The following AHI1 variants were observed in gnomAD, a reference collection of about 807,000 sequenced individuals.
AHI1 encodes the protein jouberin.
In AHI1, 123 loss-of-function variants were observed where a neutral mutation model predicts 149.3. The observed-to-expected ratio is 0.82, with a 90% CI of 0.71 to 0.96. The LOEUF (loss-of-function observed/expected upper bound fraction) is 0.96, where lower values mean the gene tolerates loss of function less well. AHI1 is among the 40% of genes least tolerant of loss of function. The pLI is 0.00. For missense variants in AHI1, 1,439 were observed against 1,422.7 expected, an observed-to-expected ratio of 1.01 and a Z score of -0.18; for synonymous variants, 475 against 459.8, an observed-to-expected ratio of 1.03 and a Z score of -0.42.
At chr6:135,358,310 C>T in intron 23 of AHI1, 123 bp from the exon 24 acceptor site, 1 of 857,138 alleles carries the variant, frequency 1.2e-6, no homozygotes. Flanking sequence ...AGAAAAAAGT[C>T]TCACTTGGAA....
chr6:135,490,798 C>A, intron 4 of AHI1, 51 bp from the exon 5 acceptor site: 1 of 1,597,944 alleles, frequency 6.3e-7, no homozygotes, highest in Non-Finnish European at 8.5e-7. Flanking sequence ...TCATAACACA[C>A]AACCTACACT....
chr6:135,325,307 G>A (rs1339090248), intron 24 of AHI1, among the ~76,000 whole-genome samples: 28 of 152,206 alleles, frequency 1.8e-4, no homozygotes, highest in Admixed American at 1.7e-3. Context: ...GATTACAGGC[G>A]TGAGCCACTG....
intron 25 of AHI1, among the ~76,000 whole-genome samples, chr6:135,321,894 C>T (rs1009592777): frequency 5.3e-5 from 8 of 152,082 alleles, no homozygotes; most frequent in Admixed American, 1.3e-4. Flanking sequence ...CTCTGCCTCC[C>T]GGGTTCACGC....
intron 15 of AHI1, among the ~76,000 whole-genome samples, chr6:135,437,568 A>G (rs1785594943): frequency 3.3e-5 from 5 of 152,268 alleles, no homozygotes; most frequent in Non-Finnish European, 5.9e-5. Flanking sequence ...GGTTGGCAAG[A>G]TCAGTAGAAG....
Position 135,285,004 on chromosome 6 carries a change from G to T in AHI1, c.*641C>A, listed in dbSNP as rs1781532475. On this transcript the variant is annotated 3_prime_UTR_variant, in exon 29 of 29. Transcript: ENST00000265602. ...GCAATTCTCCTGCCTCAGTAGATGG[G>T]ATTACAGGTGCCTGCCATGAGACCC... The T allele has an allele frequency of 6.5e-6, 1 of 153,306 alleles. No homozygotes were observed. The highest frequency in any genetic ancestry group is 2.0e-4 in the South Asian group (1 of 4,888). 9.5% of individuals were successfully genotyped at this position (153,306 alleles called of 1,614,324 possible).
intron 24 of AHI1, among the ~76,000 whole-genome samples, chr6:135,324,414 G>A (rs538139847): frequency 3.4e-4 from 52 of 152,010 alleles, no homozygotes; most frequent in African/African-American, 1.2e-3. Context: ...CTGATACACT[G>A]TATAAAGTAG....
chr6:135,317,533 G>A (rs1786149781), intron 26 of AHI1, among the ~76,000 whole-genome samples: 1 of 150,726 alleles, frequency 6.6e-6, no homozygotes, highest in African/African-American at 2.4e-5. Flanking sequence ...ATATTTAAGA[G>A]GCTTTCTTTG....
intron 17 of AHI1, 66 bp from the exon 18 acceptor site, chr6:135,430,066 C>A (rs1444753969): frequency 1.3e-6 from 1 of 798,148 alleles, no homozygotes; most frequent in Non-Finnish European, 2.0e-6. Flanking sequence ...TTTGGGGGTA[C>A]AAAATTAATC....
At chr6:135,291,659 G>C (rs1381393107) in intron 27 of AHI1, among the ~76,000 whole-genome samples, 1 of 152,164 alleles carries the variant, frequency 6.6e-6, no homozygotes, top group East Asian at 1.9e-4. Context: ...ACCCTGAATA[G>C]ACTAATGAAG....
At chr6:135,405,598 G>A (rs1008788510) in intron 21 of AHI1, among the ~76,000 whole-genome samples, 1 of 151,948 alleles carries the variant, frequency 6.6e-6, no homozygotes, top group Non-Finnish European at 1.5e-5. Context: ...GGTGGCTCAC[G>A]CCTTGTAATC....
At chr6:135,392,967 T>TAAC (rs1432122431) in intron 23 of AHI1, among the ~76,000 whole-genome samples, 18 of 152,188 alleles carry the variant, frequency 1.2e-4, no homozygotes, top group African/African-American at 4.3e-4. Flanking sequence ...ATTTTTCTGT[T>TAAC]CAGTGATATC....
intron 20 of AHI1, among the ~76,000 whole-genome samples, chr6:135,421,915 C>CCTA (rs1267662115): frequency 6.6e-6 from 1 of 152,008 alleles, no homozygotes; most frequent in East Asian, 1.9e-4. Context: ...TAAAATTCTG[C>CCTA]CCTACTATTA....
At chr6:135,418,239 AAGG>A (rs1413506935) in intron 20 of AHI1, among the ~76,000 whole-genome samples, 2 of 152,082 alleles carry the variant, frequency 1.3e-5, no homozygotes, top group Non-Finnish European at 2.9e-5. Flanking sequence ...CGACCTTCTG[AAGG>A]AGAATAAATT....
chr6:135,376,881 C>CAAAAAAAAAAAAAAAAAAAA (rs1167083326), intron 23 of AHI1, among the ~76,000 whole-genome samples: 2 of 29,440 alleles, frequency 6.8e-5, no homozygotes, highest in African/African-American at 3.2e-4. Context: ...GACTCCATCT[C>CAAAAAAAAAAAAAAAAAAAA]AAAAAAAAAA....
intron 21 of AHI1, 73 bp downstream of exon 21, chr6:135,411,275 A>G: frequency 2.9e-6 from 4 of 1,357,318 alleles, no homozygotes; most frequent in Non-Finnish European, 4.1e-6. Context: ...CATTAAATGA[A>G]TATTTATTGG....
At chr6:135,495,137 G>A (rs957072281) in intron 3 of AHI1, among the ~76,000 whole-genome samples, 2 of 151,932 alleles carry the variant, frequency 1.3e-5, no homozygotes, top group African/African-American at 2.4e-5. Flanking sequence ...GAAGGATTAT[G>A]CTTTTTGTTT....
At position 135,466,291 on chromosome 6, in the gene AHI1, T is replaced by C. The variant is rs757196052; in HGVS notation, c.272A>G (p.Lys91Arg). Residue 91 changes from lysine (K) to arginine (R), a missense_variant, in exon 7 of 29, where the codon AAG becomes AGG. Transcript: ENST00000265602. ...GTTTTTAGTGACTCTCGTGCTCTTC[T>C]TCAGGTTGTTAGTGTTAGCAGCACT... is the stretch of plus-strand genomic sequence containing the variant. The part of the protein sequence containing the change: ...DVSAANTNNL[K>R]KSTRVTKNKL... 3 of 1,614,004 alleles carry C rather than the reference T, an allele frequency of 1.9e-6. No homozygotes were observed. The highest frequency in any genetic ancestry group is 2.2e-5 in the East Asian group (1 of 44,886).
At chr6:135,365,126 CTGT>C (rs1284683462) in intron 23 of AHI1, among the ~76,000 whole-genome samples, 4 of 152,162 alleles carry the variant, frequency 2.6e-5, no homozygotes, top group Non-Finnish European at 5.9e-5. Context: ...GATCAGTTGG[CTGT>C]TAAGTATGTG....
At chr6:135,345,294 T>C (rs2746426) in intron 24 of AHI1, among the ~76,000 whole-genome samples, 83,416 of 152,004 alleles carry the variant, frequency 0.55, 23,006 homozygotes, top group Middle Eastern at 0.65. Flanking sequence ...AGAGTTACCA[T>C]ATGATGCGGC....
Sources: allele counts gnomAD v4.1 joint callset (sites outside exome capture counted in the v4.1 genomes callset), GRCh38; gene constraint gnomAD v4.1.1; transcripts MANE v1.5; gene names NCBI Gene and HGNC (gene_info 2026-07-23, HGNC 2026-07-21).